Variants in APOD observed in about 807,000 individuals in gnomAD.
APOD encodes the protein apo-D.
APOD carries 22 observed loss-of-function variants against 20.4 expected under a neutral mutation model. That is an observed-to-expected ratio of 1.08 (90% CI 0.77 to 1.54). The LOEUF (loss-of-function observed/expected upper bound fraction) is 1.54. Ranked by LOEUF, APOD falls within the 40% of genes most tolerant of loss-of-function variation. APOD has a pLI of 0.00. For synonymous variants in APOD, 97 were observed against 92.4 expected (o/e 1.05, Z -0.29); for missense variants, 223 against 229.6 (o/e 0.97, Z 0.19).
intron 1 of APOD, chr3:195,582,612 A>T (rs955594032): frequency 6.6e-6 from 1 of 152,068 alleles, no homozygotes; most frequent in Non-Finnish European, 1.5e-5. Flanking sequence ...TGTGGTGGCA[A>T]GTACCTGTAA....
chr3:195,575,205 C>T (rs1349839361), intron 2 of APOD, among the ~76,000 whole-genome samples: 1 of 152,202 alleles, frequency 6.6e-6, no homozygotes, highest in African/African-American at 2.4e-5. Flanking sequence ...TCTCACATTG[C>T]ATCTCTCTGA....
chr3:195,578,821 T>C (rs1349850197), intron 2 of APOD, among the ~76,000 whole-genome samples: 1 of 152,090 alleles, frequency 6.6e-6, no homozygotes, highest in Admixed American at 6.5e-5. Flanking sequence ...GGATAATAGC[T>C]CTGTAGCAGC....
chr3:195,574,027 C>T, intron 2 of APOD, 56 bp from the exon 3 acceptor site: 1 of 1,601,326 alleles, frequency 6.2e-7, no homozygotes, highest in Non-Finnish European at 8.5e-7. Context: ...CCTGCAACTT[C>T]TTCCCCATTG....
At chr3:195,576,576 G>A (rs1465229896) in intron 2 of APOD, among the ~76,000 whole-genome samples, 3 of 152,194 alleles carry the variant, frequency 2.0e-5, no homozygotes, top group African/African-American at 2.4e-5. Context: ...TTGGGAGGCC[G>A]AGGCGGGTGG....
At position 195,573,131 on chromosome 3, in the gene APOD, G is replaced by A. The variant is rs138905145; in HGVS notation, c.245+719C>T. 2.3e-3 allele frequency among the ~76,000 whole-genome samples: 356 copies of A among 152,280 alleles called. 1 individual carries two copies. The highest frequency in any genetic ancestry group is 8.0e-3 in the African/African-American group (332 of 41,556). On this transcript the variant is annotated intron_variant, in intron 3 of 4. Transcript: ENST00000343267. ...CCCAGCAGATTCTGCCCTTTTCACC[G>A]TCAATTGCATTTTGCTCTAGAACGG...
rs1720298363 is a variant in APOD, at chr3:195,579,431, G to C, written c.31C>G (p.Leu11Val). Residue 11 changes from leucine to valine, a missense_variant, in exon 2 of 5, where the codon CTG (leucine) becomes GTG (valine). Physicochemically the swap from Leu to Val is conservative, Grantham distance 32 (BLOSUM62 1). Transcript: ENST00000343267. MVMLLLLLSA[L>V]AGLFGAAEGQ... ...TCTGCCGCACCGAAGAGGCCAGCCA[G>C]TGCGGAAAGCAGCAGCAGCAGCATC... 6.2e-7 allele frequency: 1 copy of C among 1,614,010 alleles called. No homozygotes were observed. The highest frequency in any genetic ancestry group is 8.5e-7 in the Non-Finnish European group (1 of 1,180,036).
chr3:195,571,264 A>C lies in APOD; in HGVS notation c.334+13T>G, dbSNP rs768088317. 6.8e-6 allele frequency: 11 copies of C among 1,612,732 alleles called. 1 individual carries two copies. Among genetic ancestry groups the C allele is most frequent in the Middle Eastern group, 1.7e-4 (1 of 6,054 alleles). On this transcript the variant is annotated intron_variant, in intron 4 of 4. Coordinates refer to ENST00000343267, the MANE Select transcript of APOD (RefSeq NM_001647.4). ...CCTGTCCCTGAATCCTCCTGGGAAA[A>C]GTGGATACTTACACCAGGAAAACTT...
In APOD at chr3:195,573,917, G is replaced by A. The variant is rs141030350; in HGVS notation, c.178C>T (p.Arg60Cys). 8.1e-5 allele frequency: 130 copies of A among 1,614,040 alleles called. 1 individual carries two copies. Among genetic ancestry groups the A allele is most frequent in the South Asian group, 5.9e-4 (54 of 91,080 alleles). The change falls in exon 3 of 5, where the codon CGC becomes TGC. Residue 60 changes from arginine (R) to cysteine (C), a missense_variant. Arg to Cys is a radical substitution (Grantham distance 180). Transcript: ENST00000343267. The stretch of plus-strand genomic sequence containing the variant: ...AGTGAGTAGTTGGCCTGGATGCAGC[G>A]TCCATTCTCAAAGGTTGTTGGGATC... ...EKIPTTFENGRCIQANYSLME... is the reference protein window; with the variant it reads ...EKIPTTFENGCCIQANYSLME...
intron 1 of APOD, among the ~76,000 whole-genome samples, chr3:195,579,837 TAGATA>T (rs1468393516): frequency 6.6e-6 from 1 of 152,184 alleles, no homozygotes; most frequent in Non-Finnish European, 1.5e-5. Flanking sequence ...GTCGGCTCAG[TAGATA>T]CTTGTCAAAT....
At chr3:195,580,448 A>G (rs1481895688) in intron 1 of APOD, among the ~76,000 whole-genome samples, 1 of 148,588 alleles carries the variant, frequency 6.7e-6, no homozygotes, top group Non-Finnish European at 1.5e-5. Context: ...TCTGTCACCC[A>G]GGCTGGAGTG....
chr3:195,569,208 G>C (rs1311573075), intron 4 of APOD, 73 bp from the exon 5 acceptor site: 7 of 1,356,026 alleles, frequency 5.2e-6, no homozygotes, highest in Middle Eastern at 1.9e-4. Flanking sequence ...CAAGAAGGCT[G>C]GCCCAGACAA....
At chr3:195,578,541 C>T (rs1206266956) in intron 2 of APOD, among the ~76,000 whole-genome samples, 1 of 152,158 alleles carries the variant, frequency 6.6e-6, no homozygotes, top group Non-Finnish European at 1.5e-5. Flanking sequence ...GAGTCCTGTC[C>T]TCCAATAGCT....
rs1428412719 is a variant in APOD at position 195,568,964 on chromosome 3, G to T, written c.506C>A (p.Ser169Tyr). The T allele has an allele frequency of 6.2e-7, 1 of 1,614,016 alleles. No individual in the cohort carries two copies. Among genetic ancestry groups the T allele is most frequent in the African/African-American group, 1.3e-5 (1 of 74,902 alleles). The change falls in exon 5 of 5, where the codon TCT becomes TAT. Residue 169 changes from serine to tyrosine, a missense_variant. Coordinates refer to ENST00000343267, the MANE Select transcript of APOD (RefSeq NM_001647.4). The stretch of plus-strand genomic sequence containing the variant: ...CATTTTCTTGACATCAATGTTATTA[G>T]AAGTCAGGATATTTTTTAGAGAGTC... ...TVDSLKNILT[S>Y]NNIDVKKMTV...
At chr3:195,570,198 G>C (rs1422824062) in intron 4 of APOD, among the ~76,000 whole-genome samples, 2 of 152,106 alleles carry the variant, frequency 1.3e-5, no homozygotes, top group Admixed American at 1.3e-4. Context: ...TGATCCCTAT[G>C]GGAAAAATAC....
At chr3:195,571,831 G>A (rs1488726595) in intron 3 of APOD, among the ~76,000 whole-genome samples, 2 of 151,580 alleles carry the variant, frequency 1.3e-5, no homozygotes, top group Non-Finnish European at 2.9e-5. Context: ...CCAGGCTGGA[G>A]TGCAGTGGTG....
At chr3:195,569,209 G>A in intron 4 of APOD, 74 bp from the exon 5 acceptor site, 1 of 1,348,840 alleles carries the variant, frequency 7.4e-7, no homozygotes, top group East Asian at 2.3e-5. Context: ...AAGAAGGCTG[G>A]CCCAGACAAC....
At chr3:195,574,927 G>A (rs1720225270) in intron 2 of APOD, among the ~76,000 whole-genome samples, 1 of 152,230 alleles carries the variant, frequency 6.6e-6, no homozygotes, top group African/African-American at 2.4e-5. Context: ...TGTAAAAATG[G>A]AGAAAATGTT....
intron 2 of APOD, among the ~76,000 whole-genome samples, chr3:195,576,702 C>T (rs1289877067): frequency 2.0e-5 from 3 of 151,376 alleles, no homozygotes; most frequent in African/African-American, 7.3e-5. Flanking sequence ...ACCAGCTACT[C>T]GGGAGGCTGA....
Position 195,575,906 on chromosome 3 carries a change from G to A in APOD, c.124-1935C>T, listed in dbSNP as rs183366421. The stretch of plus-strand genomic sequence containing the variant: ...CTCCCAAAGTGCTGGGATTACAGGC[G>A]TGAGCCACCGCGCCTGGCCTATTCT... On this transcript the variant is annotated intron_variant, in intron 2 of 4. Transcript: ENST00000343267. Among the ~76,000 whole-genome samples, 533 of 152,240 alleles carry A rather than the reference G, an allele frequency of 3.5e-3. 2 individuals carry two copies. Among genetic ancestry groups the A allele is most frequent in the African/African-American group, 0.012 (510 of 41,562 alleles).
Sources: allele counts gnomAD v4.1 joint callset (sites outside exome capture counted in the v4.1 genomes callset), GRCh38; gene constraint gnomAD v4.1.1; transcripts MANE v1.5; gene names NCBI Gene and HGNC (gene_info 2026-07-23, HGNC 2026-07-21).